The following ASCC3 variants were observed in gnomAD, a reference collection of about 807,000 sequenced individuals.
ASCC3 encodes the protein activating signal cointegrator 1 complex subunit 3, also known as ASC-1 complex subunit P200.
In ASCC3, 158 loss-of-function variants were observed where a neutral mutation model predicts 256.3. The observed-to-expected ratio is 0.62, with a 90% CI of 0.54 to 0.70. The LOEUF is 0.70. Among genes scored for constraint, ASCC3 ranks in the 30% least tolerant of loss-of-function variants. The pLI is 0.00. For synonymous variants in ASCC3, 948 were observed against 883.4 expected (o/e 1.07, Z -1.30); for missense variants, 2,259 against 2,626.0 (o/e 0.86, Z 3.05).
intron 4 of ASCC3, among the ~76,000 whole-genome samples, chr6:100,821,084 C>A (rs1383048263): frequency 1.3e-5 from 2 of 152,150 alleles, no homozygotes; most frequent in Non-Finnish European, 2.9e-5. Context: ...GGCTGGAGTA[C>A]AGTGGTACAA....
intron 10 of ASCC3, among the ~76,000 whole-genome samples, chr6:100,737,352 T>A (rs191641988): frequency 1.3e-5 from 2 of 152,112 alleles, no homozygotes; most frequent in East Asian, 3.9e-4. Flanking sequence ...AAGCCCAGCA[T>A]CCCTTAGCTA....
At chr6:100,812,007 G>A (rs919386125) in intron 4 of ASCC3, among the ~76,000 whole-genome samples, 1 of 152,136 alleles carries the variant, frequency 6.6e-6, no homozygotes, top group African/African-American at 2.4e-5. Context: ...AGTAAAAGGA[G>A]AAAGAGCCCT....
chr6:100,697,948 C>T (rs561376321), intron 13 of ASCC3, among the ~76,000 whole-genome samples: 1 of 152,202 alleles, frequency 6.6e-6, no homozygotes, highest in Non-Finnish European at 1.5e-5. Flanking sequence ...TCTTCAAATT[C>T]CTAAACATCA....
At chr6:100,871,437 C>G (rs1275896192) in intron 1 of ASCC3, among the ~76,000 whole-genome samples, 1 of 151,648 alleles carries the variant, frequency 6.6e-6, no homozygotes, top group Non-Finnish European at 1.5e-5. Context: ...TGTCTCAAGC[C>G]AATAATGGCC....
intron 30 of ASCC3, among the ~76,000 whole-genome samples, chr6:100,613,495 G>A (rs999607059): frequency 1.3e-5 from 2 of 151,698 alleles, no homozygotes; most frequent in African/African-American, 4.8e-5. Context: ...CTTTTTTATG[G>A]CTGAATAGTA....
At chr6:100,692,362 A>AT (rs1039920109) in intron 13 of ASCC3, among the ~76,000 whole-genome samples, 1 of 152,026 alleles carries the variant, frequency 6.6e-6, no homozygotes, top group Non-Finnish European at 1.5e-5. Context: ...TGCTGAAGAA[A>AT]TTTTTTTAAA....
intron 4 of ASCC3, among the ~76,000 whole-genome samples, chr6:100,820,017 T>A (rs1408987827): frequency 6.6e-6 from 1 of 152,176 alleles, no homozygotes; most frequent in Non-Finnish European, 1.5e-5. Flanking sequence ...AAAACAGTCA[T>A]CTTCATGAAT....
At chr6:100,656,324 G>T (rs1775913386) in intron 16 of ASCC3, among the ~76,000 whole-genome samples, 1 of 151,558 alleles carries the variant, frequency 6.6e-6, no homozygotes. Context: ...ACACGAATTT[G>T]CAGGACTGCG....
Position 100,652,893 on chromosome 6 carries a change from T to C in ASCC3, c.2824-4A>G, listed in dbSNP as rs1355036966. 6.2e-7 allele frequency: 1 copy of C among 1,613,388 alleles called. No individual in the cohort carries two copies. The highest frequency in any genetic ancestry group is 2.2e-5 in the East Asian group (1 of 44,808). On this transcript the variant is annotated splice_polypyrimidine_tract_variant and splice_region_variant and intron_variant, in intron 17 of 41. Coordinates refer to ENST00000369162, the MANE Select transcript of ASCC3 (RefSeq NM_006828.4). ...GCTTTCTTAATGTTGGGTCAATCTA[T>C]GGCAAAAAATATATAAACAGTTGAA...
intron 8 of ASCC3, among the ~76,000 whole-genome samples, chr6:100,781,476 C>T (rs1052056317): frequency 4.6e-5 from 7 of 151,908 alleles, no homozygotes; most frequent in East Asian, 3.9e-4. Context: ...CTCCGCCTCC[C>T]GGGTTCAAGC....
chr6:100,559,129 A>G (rs1769789358), intron 36 of ASCC3, among the ~76,000 whole-genome samples: 2 of 152,152 alleles, frequency 1.3e-5, no homozygotes, highest in African/African-American at 4.8e-5. Context: ...ATGTCATGTT[A>G]ACCAAATACC....
intron 22 of ASCC3, among the ~76,000 whole-genome samples, chr6:100,645,742 C>T (rs1775348680): frequency 6.6e-6 from 1 of 151,908 alleles, no homozygotes; most frequent in African/African-American, 2.4e-5. Context: ...TCTTTATATA[C>T]ATAATAATAT....
In ASCC3 at chr6:100,647,301, G is replaced by A; in HGVS notation, c.3403C>T (p.Pro1135Ser). Reference protein sequence around the residue: ...SPLRQFSILPPHILTRLEEKK... With the variant: ...SPLRQFSILPSHILTRLEEKK... ...TCTTCTAATCTTGTTAGGATGTGTG[G>A]TGGTAGGATTGAAAATTGTCTCAAA... Residue 1135 changes from proline (P) to serine (S), a missense_variant, in exon 21 of 42, where the codon CCA becomes TCA. Pro to Ser is a moderately conservative substitution (Grantham distance 74). Coordinates refer to ENST00000369162, the MANE Select transcript of ASCC3 (RefSeq NM_006828.4). 1 of 1,613,968 alleles carries A rather than the reference G, an allele frequency of 6.2e-7. No homozygotes were observed. Among genetic ancestry groups the A allele is most frequent in the Non-Finnish European group, 8.5e-7 (1 of 1,179,962 alleles).
chr6:100,661,705 A>T, intron 16 of ASCC3, 101 bp downstream of exon 16: 2 of 1,200,870 alleles, frequency 1.7e-6, no homozygotes, highest in East Asian at 2.4e-5. Context: ...ATAGGCTGTA[A>T]TCCTAAACAC....
At chr6:100,542,259 G>GA (rs1238080687) in intron 36 of ASCC3, among the ~76,000 whole-genome samples, 5 of 152,068 alleles carry the variant, frequency 3.3e-5, no homozygotes, top group African/African-American at 4.8e-5. Flanking sequence ...CTAATAAATA[G>GA]AAAATATGAA....
At chr6:100,557,329 T>C (rs1258295273) in intron 36 of ASCC3, among the ~76,000 whole-genome samples, 1 of 152,162 alleles carries the variant, frequency 6.6e-6, no homozygotes. Context: ...TCATAAGTAC[T>C]GTTATGTTGT....
At chr6:100,621,590 A>C (rs1295587520) in intron 30 of ASCC3, among the ~76,000 whole-genome samples, 1 of 152,186 alleles carries the variant, frequency 6.6e-6, no homozygotes, top group Non-Finnish European at 1.5e-5. Flanking sequence ...CAGAAACAAT[A>C]GATGCAGGCA....
intron 10 of ASCC3, among the ~76,000 whole-genome samples, chr6:100,763,144 T>G (rs1016877614): frequency 6.6e-6 from 1 of 152,226 alleles, no homozygotes; most frequent in African/African-American, 2.4e-5. Context: ...TCTGCTTTGC[T>G]TTCTCTATAG....
chr6:100,550,984 A>C (rs1292860115), intron 36 of ASCC3, among the ~76,000 whole-genome samples: 2 of 151,936 alleles, frequency 1.3e-5, no homozygotes, highest in African/African-American at 4.8e-5. Context: ...ATCTAAGTTT[A>C]ATAAGTTTAA....
Sources: gnomAD v4.1 joint callset for allele counts (sites outside exome capture counted in the v4.1 genomes callset) on GRCh38, gnomAD v4.1.1 for gene constraint, MANE v1.5 for transcripts, NCBI Gene and HGNC (gene_info 2026-07-23, HGNC 2026-07-21) for gene names.